C8orf34: variants seen among roughly 807,000 people sequenced by gnomAD.
The protein encoded by C8orf34 is uncharacterized protein C8orf34.
Under a neutral mutation model 68.3 loss-of-function variants are expected in C8orf34, and 65 were observed. That is an observed-to-expected ratio of 0.95 (90% CI 0.78 to 1.17). C8orf34 has a LOEUF of 1.17. Among genes scored for constraint, C8orf34 ranks in the 50% most tolerant of loss-of-function variants. The pLI, the probability that C8orf34 is intolerant of heterozygous loss-of-function variation, is 0.00. For missense variants in C8orf34, 664 were observed against 655.4 expected (o/e 1.01, Z -0.14); for synonymous variants, 244 against 241.2 (o/e 1.01, Z -0.11).
chr8:68,787,886 G>A (rs1823889172), intron 12 of C8orf34, among the ~76,000 whole-genome samples: 4 of 152,164 alleles, frequency 2.6e-5, no homozygotes, highest in Non-Finnish European at 5.9e-5. Context: ...GTCAGGATCA[G>A]CTGATTATTA....
At chr8:68,744,932 T>G (rs1247068497) in intron 10 of C8orf34, among the ~76,000 whole-genome samples, 1 of 152,022 alleles carries the variant, frequency 6.6e-6, no homozygotes, top group African/African-American at 2.4e-5. Flanking sequence ...CACATAATTG[T>G]CAGATTCACC....
At chr8:68,776,335 A>T in intron 10 of C8orf34, 64 bp from the exon 11 acceptor site, 1 of 1,252,258 alleles carries the variant, frequency 8.0e-7, no homozygotes, top group Non-Finnish European at 1.2e-6. Context: ...ACTCTCCACG[A>T]TTCTTTCATT....
At chr8:68,689,209 A>G (rs1350059837) in intron 8 of C8orf34, among the ~76,000 whole-genome samples, 1 of 152,040 alleles carries the variant, frequency 6.6e-6, no homozygotes, top group Non-Finnish European at 1.5e-5. Flanking sequence ...TCAAAGACAT[A>G]CAGAGAGATA....
At chr8:68,653,941 A>G (rs1819437717) in intron 8 of C8orf34, among the ~76,000 whole-genome samples, 1 of 152,168 alleles carries the variant, frequency 6.6e-6, no homozygotes, top group South Asian at 2.1e-4. Context: ...ATTATATATT[A>G]TGGTTTTATT....
At chr8:68,476,802 A>C (rs1259377908) in intron 4 of C8orf34, among the ~76,000 whole-genome samples, 1 of 152,192 alleles carries the variant, frequency 6.6e-6, no homozygotes, top group Non-Finnish European at 1.5e-5. Context: ...TCACTATGTC[A>C]AAAGGTGAAT....
intron 7 of C8orf34, among the ~76,000 whole-genome samples, chr8:68,615,733 A>T (rs559682854): frequency 6.6e-6 from 1 of 152,270 alleles, no homozygotes; most frequent in South Asian, 2.1e-4. Flanking sequence ...TTCATCAAGG[A>T]TATTGGTCTA....
chr8:68,362,298 A>G (rs1807035585), intron 1 of C8orf34, among the ~76,000 whole-genome samples: 2 of 152,242 alleles, frequency 1.3e-5, no homozygotes, highest in South Asian at 4.1e-4. Context: ...CATAGAGTTT[A>G]TACACATTCT....
At chr8:68,477,947 C>T (rs972775198) in intron 4 of C8orf34, among the ~76,000 whole-genome samples, 1 of 152,148 alleles carries the variant, frequency 6.6e-6, no homozygotes, top group Non-Finnish European at 1.5e-5. Context: ...GGACCATGAG[C>T]CTGGCCCAGG....
intron 10 of C8orf34, among the ~76,000 whole-genome samples, chr8:68,744,242 A>G (rs1211110910): frequency 1.3e-5 from 2 of 150,942 alleles, no homozygotes; most frequent in Admixed American, 1.3e-4. Context: ...GTACATCACC[A>G]TCATCAAAGA....
intron 10 of C8orf34, among the ~76,000 whole-genome samples, chr8:68,774,922 C>CATG (rs1823464053): frequency 2.4e-5 from 2 of 82,718 alleles, no homozygotes; most frequent in South Asian, 6.9e-4. Context: ...CCCTTTCCAA[C>CATG]ATGATGAAAC....
chr8:68,446,281 A>G, intron 2 of C8orf34, 48 bp from the exon 3 acceptor site: 1 of 1,513,292 alleles, frequency 6.6e-7, no homozygotes, highest in Non-Finnish European at 8.9e-7. Context: ...TTTTTGCTCA[A>G]TCTTGAAATC....
chr8:68,675,724 G>A (rs947217558), intron 8 of C8orf34, among the ~76,000 whole-genome samples: 2 of 152,072 alleles, frequency 1.3e-5, no homozygotes, highest in African/African-American at 4.8e-5. Flanking sequence ...ATAAAAAATA[G>A]CAGGAGTAAG....
intron 6 of C8orf34, among the ~76,000 whole-genome samples, chr8:68,528,880 T>A (rs1003805244): frequency 6.6e-6 from 1 of 152,206 alleles, no homozygotes; most frequent in Non-Finnish European, 1.5e-5. Context: ...TCCAGCAGAC[T>A]CTCTGTGCAC....
At chr8:68,673,205 T>C (rs907771097) in intron 8 of C8orf34, among the ~76,000 whole-genome samples, 1 of 152,114 alleles carries the variant, frequency 6.6e-6, no homozygotes, top group Admixed American at 6.5e-5. Context: ...TTGCCAGCTA[T>C]GGTGCTATGG....
chr8:68,632,780 A>C (rs1818730437), intron 7 of C8orf34, among the ~76,000 whole-genome samples: 1 of 152,162 alleles, frequency 6.6e-6, no homozygotes, highest in Non-Finnish European at 1.5e-5. Context: ...CTATGGCTTA[A>C]GAGGATGCAA....
At chr8:68,478,167 G>A (rs1029035676) in intron 4 of C8orf34, among the ~76,000 whole-genome samples, 4 of 152,110 alleles carry the variant, frequency 2.6e-5, no homozygotes, top group African/African-American at 9.7e-5. Flanking sequence ...AAATTTTCAA[G>A]TTTTTATGCT....
intron 10 of C8orf34, among the ~76,000 whole-genome samples, chr8:68,745,575 G>A (rs1822462231): frequency 6.6e-6 from 1 of 151,912 alleles, no homozygotes; most frequent in African/African-American, 2.4e-5. Context: ...AAAAGGCAGG[G>A]GTTGCAATCC....
At chr8:68,733,488 T>G (rs916503692) in intron 10 of C8orf34, among the ~76,000 whole-genome samples, 1 of 152,214 alleles carries the variant, frequency 6.6e-6, no homozygotes, top group African/African-American at 2.4e-5. Context: ...ATAAAGTCCT[T>G]CCTTTTGTTC....
chr8:68,769,884 C>T (rs745545331), intron 10 of C8orf34, among the ~76,000 whole-genome samples: 2 of 152,098 alleles, frequency 1.3e-5, no homozygotes, highest in African/African-American at 2.4e-5. Flanking sequence ...CCAGTGAGCG[C>T]GATACGTGCT....
Sources: allele counts gnomAD v4.1 joint callset (sites outside exome capture counted in the v4.1 genomes callset), GRCh38; gene constraint gnomAD v4.1.1; transcripts MANE v1.5; gene names NCBI Gene and HGNC (gene_info 2026-07-23, HGNC 2026-07-21).